Variants in ARHGAP15 observed in about 807,000 individuals in gnomAD.
The protein encoded by ARHGAP15 is Rho GTPase activating protein 15.
A neutral mutation model predicts 63.7 loss-of-function variants in ARHGAP15; 51 were observed. The observed-to-expected ratio is 0.80, with a 90% CI of 0.64 to 1.01. The LOEUF is 1.01. ARHGAP15 is among the 50% of genes least tolerant of loss of function. The pLI, the probability that ARHGAP15 is intolerant of heterozygous loss-of-function variation, is 0.00. For synonymous variants in ARHGAP15, 191 were observed against 193.8 expected (o/e 0.99, Z 0.12); for missense variants, 560 against 564.6 (o/e 0.99, Z 0.08).
At chr2:143,583,554 G>T (rs1015147837) in intron 11 of ARHGAP15, among the ~76,000 whole-genome samples, 8 of 152,116 alleles carry the variant, frequency 5.3e-5, no homozygotes, top group African/African-American at 1.9e-4. Context: ...AGGTCAGAAA[G>T]GTAGATGGTG....
chr2:143,451,712 C>T (rs1215330547), intron 8 of ARHGAP15, among the ~76,000 whole-genome samples: 2 of 151,728 alleles, frequency 1.3e-5, no homozygotes, highest in Non-Finnish European at 2.9e-5. Flanking sequence ...TAAGATGTGC[C>T]CTGTGTTTTT....
chr2:143,727,692 T>TG (rs1685345557), intron 13 of ARHGAP15, among the ~76,000 whole-genome samples: 1 of 152,192 alleles, frequency 6.6e-6, no homozygotes, highest in African/African-American at 2.4e-5. Flanking sequence ...GTTGTGGGCA[T>TG]GCATTGTAAT....
intron 11 of ARHGAP15, among the ~76,000 whole-genome samples, chr2:143,567,028 A>C (rs1261240456): frequency 6.6e-6 from 1 of 151,740 alleles, no homozygotes; most frequent in Non-Finnish European, 1.5e-5. Flanking sequence ...GGTGCCCGCC[A>C]CCACGCCTGG....
chr2:143,160,074 C>A (rs1470802986), intron 2 of ARHGAP15, among the ~76,000 whole-genome samples: 1 of 151,814 alleles, frequency 6.6e-6, no homozygotes, highest in Non-Finnish European at 1.5e-5. Context: ...ATTTTGCACA[C>A]CCTGTAGATA....
intron 6 of ARHGAP15, among the ~76,000 whole-genome samples, chr2:143,389,922 G>A (rs181936072): frequency 6.7e-6 from 1 of 149,394 alleles, no homozygotes; most frequent in Admixed American, 6.7e-5. Flanking sequence ...TACTCCTTTT[G>A]TTTGATACCC....
chr2:143,429,556 A>ATG (rs1237446007), intron 6 of ARHGAP15, among the ~76,000 whole-genome samples: 1 of 152,098 alleles, frequency 6.6e-6, no homozygotes, highest in East Asian at 1.9e-4. Context: ...TTTTGATATG[A>ATG]TGACACCACT....
chr2:143,486,656 C>T (rs1692339584), intron 8 of ARHGAP15, among the ~76,000 whole-genome samples: 1 of 152,040 alleles, frequency 6.6e-6, no homozygotes, highest in African/African-American at 2.4e-5. Flanking sequence ...ATATTCATCC[C>T]CGAATTCACA....
intron 6 of ARHGAP15, among the ~76,000 whole-genome samples, chr2:143,380,899 G>A (rs772709864): frequency 2.7e-5 from 4 of 149,696 alleles, no homozygotes; most frequent in Non-Finnish European, 4.4e-5. Context: ...ATACAGGTGC[G>A]GCTCTGAATA....
At chr2:143,765,951 GTTGA>G (rs1018673716) in intron 13 of ARHGAP15, among the ~76,000 whole-genome samples, 4 of 152,298 alleles carry the variant, frequency 2.6e-5, no homozygotes, top group African/African-American at 9.6e-5. Flanking sequence ...TAGAACAGTA[GTTGA>G]TTATTATTAA....
chr2:143,409,337 T>A (rs1053596345), intron 6 of ARHGAP15, among the ~76,000 whole-genome samples: 3 of 151,998 alleles, frequency 2.0e-5, no homozygotes, highest in Non-Finnish European at 2.9e-5. Flanking sequence ...GAGAATCTTT[T>A]TTTTTTAACC....
At chr2:143,485,448 CAT>C (rs1574514275) in intron 8 of ARHGAP15, among the ~76,000 whole-genome samples, 2 of 152,188 alleles carry the variant, frequency 1.3e-5, no homozygotes, top group African/African-American at 2.4e-5. Flanking sequence ...TACATACACA[CAT>C]ATGCTATAGA....
intron 4 of ARHGAP15, among the ~76,000 whole-genome samples, chr2:143,223,071 AG>A (rs1465223637): frequency 6.6e-6 from 1 of 151,906 alleles, no homozygotes; most frequent in East Asian, 1.9e-4. Context: ...CTGCCTCTCT[AG>A]TTCAATTGAT....
At chr2:143,314,639 C>T (rs945837224) in intron 6 of ARHGAP15, 1 of 152,196 alleles carries the variant, frequency 6.6e-6, no homozygotes, top group African/African-American at 2.4e-5. Context: ...GAAGCTTATA[C>T]ATCTCTTAAG....
rs148732587 is a variant in ARHGAP15 at position 143,471,651 on chromosome 2, A to G, written c.704-15722A>G. On this transcript the variant is annotated intron_variant, in intron 8 of 13. Transcript: ENST00000295095. ...CCTGAAGGAAGTGAGGTATGTTACC[A>G]TGTGGATGTCTAAGAAAAGAATGTT... is the stretch of plus-strand genomic sequence containing the variant. Among the ~76,000 whole-genome samples, 3 of 152,244 alleles carry G rather than the reference A, an allele frequency of 2.0e-5. No homozygotes were observed. The East Asian group carries it at 5.8e-4, about 29-fold the overall frequency.
chr2:143,372,212 C>T (rs894227427), intron 6 of ARHGAP15, among the ~76,000 whole-genome samples: 3 of 151,468 alleles, frequency 2.0e-5, no homozygotes, highest in Non-Finnish European at 2.9e-5. Context: ...CATGGTGACA[C>T]GTGCCTGTAA....
intron 9 of ARHGAP15, among the ~76,000 whole-genome samples, chr2:143,518,420 A>G (rs568063498): frequency 6.6e-6 from 1 of 152,320 alleles, no homozygotes; most frequent in African/African-American, 2.4e-5. Context: ...TAGTCTGGAG[A>G]CATGCTCTCT....
At chr2:143,616,747 T>C (rs1698464356) in intron 11 of ARHGAP15, among the ~76,000 whole-genome samples, 1 of 152,180 alleles carries the variant, frequency 6.6e-6, no homozygotes, top group Non-Finnish European at 1.5e-5. Context: ...TTTTCAAACA[T>C]AGGACTCCTA....
chr2:143,607,085 T>G lies in ARHGAP15; in HGVS notation c.1004-17048T>G, dbSNP rs544777095. ...CAGTGAAATGTCAGTTGTTTTTAGT[T>G]TTAAGTTTTGCAAAATTTGGAACCT... On this transcript the variant is annotated intron_variant, in intron 11 of 13. Coordinates refer to ENST00000295095, the MANE Select transcript of ARHGAP15 (RefSeq NM_018460.4). 3.3e-5 allele frequency: 5 copies of G among 152,326 alleles called. No individual in the cohort carries two copies. The East Asian group carries it at 9.7e-4, about 29-fold the overall frequency. 9.4% of individuals were successfully genotyped at this position (152,326 alleles called of 1,614,324 possible). A position where few individuals can be genotyped will look rare whatever the true frequency, so the allele number is the denominator to read the frequency against.
At chr2:143,542,917 TATA>T (rs1695167976) in intron 10 of ARHGAP15, among the ~76,000 whole-genome samples, 1 of 147,956 alleles carries the variant, frequency 6.8e-6, no homozygotes, top group Non-Finnish European at 1.5e-5. Context: ...ATATGATATA[TATA>T]ATATCACATT....
Sources: allele counts gnomAD v4.1 joint callset (sites outside exome capture counted in the v4.1 genomes callset), GRCh38; gene constraint gnomAD v4.1.1; transcripts MANE v1.5; gene names NCBI Gene and HGNC (gene_info 2026-07-23, HGNC 2026-07-21).